The following ASB6 variants were observed in gnomAD, a reference collection of about 807,000 sequenced individuals.
ASB6 encodes the protein ankyrin repeat and SOCS box containing 6.
Under a neutral mutation model 28.6 loss-of-function variants are expected in ASB6, and 24 were observed. That is an observed-to-expected ratio of 0.84 (90% CI 0.61 to 1.18). The LOEUF is 1.18. Among genes scored for constraint, ASB6 ranks in the 50% most tolerant of loss-of-function variants. ASB6 has a pLI of 0.00. For synonymous variants in ASB6, 267 were observed against 243.4 expected (o/e 1.10, Z -0.90); for missense variants, 519 against 559.8 (o/e 0.93, Z 0.74).
At position 129,636,722 on chromosome 9, in the gene ASB6, C is replaced by T. The variant is rs1433645850; in HGVS notation, c.*1068G>A. On this transcript the variant is annotated 3_prime_UTR_variant, in exon 6 of 6. Transcript: ENST00000277458. Reference sequence around the variant, plus strand: ...AAAATAATAAAATGGGACCTCCACACTGTGGAGGCCCTTGCCAGTCTAGAG... The same window carrying T: ...AAAATAATAAAATGGGACCTCCACATTGTGGAGGCCCTTGCCAGTCTAGAG... The T allele has an allele frequency of 6.6e-6, 1 of 151,906 alleles. No homozygotes were observed. The highest frequency in any genetic ancestry group is 6.6e-5 in the Admixed American group (1 of 15,262). The allele number at this position is 151,906 out of a possible 1,614,324, so 9.4% of individuals were successfully genotyped here. A position where few individuals can be genotyped will look rare whatever the true frequency, so the allele number is the denominator to read the frequency against.
chr9:129,639,353 C>T, intron 3 of ASB6, 43 bp from the exon 4 acceptor site: 2 of 1,602,804 alleles, frequency 1.2e-6, no homozygotes, highest in Non-Finnish European at 1.7e-6. Context: ...GGAAGCTGCT[C>T]AGGCCCCTGC....
intron 1 of ASB6, among the ~76,000 whole-genome samples, chr9:129,641,560 G>A (rs1831699531): frequency 6.6e-6 from 1 of 152,246 alleles, no homozygotes; most frequent in Non-Finnish European, 1.5e-5. Context: ...GGTAACATCT[G>A]AGGCCTCACG....
chr9:129,637,591 A>G lies in ASB6; in HGVS notation c.*199T>C. 1 of 443,574 alleles carries G rather than the reference A, an allele frequency of 2.3e-6. No individual in the cohort carries two copies. The allele number at this position is 443,574 out of a possible 1,614,324, so 27.5% of individuals were successfully genotyped here. A position where few individuals can be genotyped will look rare whatever the true frequency, so the allele number is the denominator to read the frequency against. On this transcript the variant is annotated 3_prime_UTR_variant, in exon 6 of 6. Transcript: ENST00000277458. Reference sequence around the variant, plus strand: ...GGAGTGCCGCTGGAGGGAAGGGGGCAGTCTCTCTGGAAGAACCAGAGCTGC... The same window carrying G: ...GGAGTGCCGCTGGAGGGAAGGGGGCGGTCTCTCTGGAAGAACCAGAGCTGC...
rs1831499829 is a variant in ASB6, at chr9:129,635,531, T to G, written c.*2259A>C. 6.5e-7 allele frequency: 1 copy of G among 1,547,366 alleles called. No individual in the cohort carries two copies. The highest frequency in any genetic ancestry group is 1.4e-5 in the African/African-American group (1 of 73,434). ...GGGGGGAGCTGGCAGCTGGGCAAGA[T>G]CCAGGCGCCACGCTGGCGGTTCGTG... On this transcript the variant is annotated 3_prime_UTR_variant, in exon 6 of 6. Coordinates refer to ENST00000277458, the MANE Select transcript of ASB6 (RefSeq NM_017873.4).
In ASB6 at chr9:129,635,164, C is replaced by G. The variant is rs1564350832; in HGVS notation, c.*2626G>C. ...AGTACATCCCATCCAGTGCCGACAT[C>G]CGCTTGCATGGTGCCCTGGTAACCT... On this transcript the variant is annotated 3_prime_UTR_variant, in exon 6 of 6. Transcript: ENST00000277458. The G allele has an allele frequency of 3.2e-6, 5 of 1,580,168 alleles. No individual in the cohort carries two copies. Among genetic ancestry groups the G allele is most frequent in the Non-Finnish European group, 4.3e-6 (5 of 1,167,144 alleles).
rs1174936989 is a variant in ASB6, at chr9:129,637,012, C to T, written c.*778G>A. ...CAGTGCAGCTTGGAAGGGACTGAGG[C>T]TCGCAAGTGGGTGGCACAGTCGGCT... On this transcript the variant is annotated 3_prime_UTR_variant, in exon 6 of 6. Coordinates refer to ENST00000277458, the MANE Select transcript of ASB6 (RefSeq NM_017873.4). 6.6e-6 allele frequency: 1 copy of T among 152,272 alleles called. No individual in the cohort carries two copies. The highest frequency in any genetic ancestry group is 1.5e-5 in the Non-Finnish European group (1 of 68,082). The allele number at this position is 152,272 out of a possible 1,614,324, so 9.4% of individuals were successfully genotyped here.
rs747336110 is a variant in ASB6 at position 129,638,637 on chromosome 9, A to G, written c.534T>C (p.Ala178=). The G allele has an allele frequency of 6.2e-7, 1 of 1,613,496 alleles. No homozygotes were observed. Among genetic ancestry groups the G allele is most frequent in the Non-Finnish European group, 8.5e-7 (1 of 1,179,758 alleles). ...TCTGCACCCCGTCGCTGCTGGCCAG[A>G]GCATGGAGCAGAGCAGTTTTTCCTA... ...DKHGKTALLH[A]LASSDGVQIH... Residue 178 remains alanine, a synonymous_variant, in exon 5 of 6, where the codon GCT becomes GCC. Coordinates refer to ENST00000277458, the MANE Select transcript of ASB6 (RefSeq NM_017873.4).
At chr9:129,638,739 C>G in intron 4 of ASB6, 80 bp from the exon 5 acceptor site, 1 of 1,130,846 alleles carries the variant, frequency 8.8e-7, no homozygotes, top group East Asian at 2.5e-5. Flanking sequence ...TGGCAGAAAT[C>G]CAGACACTCA....
Position 129,636,605 on chromosome 9 carries a change from G to A in ASB6, c.*1185C>T, listed in dbSNP as rs575361907. 1 of 152,150 alleles carries A rather than the reference G, an allele frequency of 6.6e-6. No individual in the cohort carries two copies. Among genetic ancestry groups the A allele is most frequent in the East Asian group, 1.9e-4 (1 of 5,178 alleles). 9.4% of individuals were successfully genotyped at this position (152,150 alleles called of 1,614,324 possible). Reference sequence around the variant, plus strand: ...CCAGCTACTCAGGAGGCTGAGGCAGGAGAACTGCTTGAACCTGGGAGGCAG... The same window carrying A: ...CCAGCTACTCAGGAGGCTGAGGCAGAAGAACTGCTTGAACCTGGGAGGCAG... On this transcript the variant is annotated 3_prime_UTR_variant, in exon 6 of 6. Coordinates refer to ENST00000277458, the MANE Select transcript of ASB6 (RefSeq NM_017873.4).
intron 4 of ASB6, 75 bp from the exon 5 acceptor site, chr9:129,638,734 G>T: frequency 4.2e-6 from 5 of 1,195,184 alleles, no homozygotes; most frequent in Non-Finnish European, 6.1e-6. Context: ...GGAGGTGGCA[G>T]AAATCCAGAC....
chr9:129,637,601 G>C lies in ASB6; in HGVS notation c.*189C>G. The stretch of plus-strand genomic sequence containing the variant: ...TGGAGGGAAGGGGGCAGTCTCTCTG[G>C]AAGAACCAGAGCTGCACCCTTCACC... On this transcript the variant is annotated 3_prime_UTR_variant, in exon 6 of 6. Transcript: ENST00000277458. 2 of 474,122 alleles carry C rather than the reference G, an allele frequency of 4.2e-6. No individual in the cohort carries two copies. The highest frequency in any genetic ancestry group is 7.0e-6 in the Non-Finnish European group (2 of 286,478). 29.4% of individuals were successfully genotyped at this position (474,122 alleles called of 1,614,324 possible). A position where few individuals can be genotyped will look rare whatever the true frequency, so the allele number is the denominator to read the frequency against.
Position 129,640,658 on chromosome 9 carries a change from C to T in ASB6, c.178G>A (p.Ala60Thr), listed in dbSNP as rs1831674656. Reference sequence around the variant, plus strand: ...CCTTCCTGGTAAAAGGGAGAGTGGGCTTTCCTCTCCAGCAGCTCAGTGAGA... The same window carrying T: ...CCTTCCTGGTAAAAGGGAGAGTGGGTTTTCCTCTCCAGCAGCTCAGTGAGA... ...LVLTELLERK[A>T]HSPFYQEGVS... The change falls in exon 2 of 6, where the codon GCC (alanine) becomes ACC (threonine). Residue 60 changes from alanine (A) to threonine (T), a missense_variant. Transcript: ENST00000277458. 2 of 1,614,146 alleles carry T rather than the reference C, an allele frequency of 1.2e-6. No homozygotes were observed. Among genetic ancestry groups the T allele is most frequent in the Non-Finnish European group, 1.7e-6 (2 of 1,179,998 alleles).
chr9:129,640,784 TG>T (rs1831677656), intron 1 of ASB6, 62 bp from the exon 2 acceptor site: 1 of 1,588,530 alleles, frequency 6.3e-7, no homozygotes, highest in Non-Finnish European at 8.6e-7. Context: ...GCGCAGCCTG[TG>T]GGTTGGTGGG....
rs1831458461 is a variant in ASB6, at chr9:129,635,151, C to T, written c.*2639G>A. ...AGCGGGGCTGAGAAGTACATCCCATCCAGTGCCGACATCCGCTTGCATGGT... is the reference window on the plus strand; with the variant it reads ...AGCGGGGCTGAGAAGTACATCCCATTCAGTGCCGACATCCGCTTGCATGGT... On this transcript the variant is annotated 3_prime_UTR_variant, in exon 6 of 6. Transcript: ENST00000277458. 1 of 1,565,674 alleles carries T rather than the reference C, an allele frequency of 6.4e-7. No individual in the cohort carries two copies. Among genetic ancestry groups the T allele is most frequent in the Middle Eastern group, 1.9e-4 (1 of 5,244 alleles).
rs201973937 is a variant in ASB6, at chr9:129,640,717, C to T, written c.119G>A (p.Ser40Asn). Residue 40 changes from serine (S) to asparagine (N), a missense_variant, in exon 2 of 6, where the codon AGT becomes AAT. Physicochemically the swap from Ser to Asn is conservative, Grantham distance 46. Transcript: ENST00000277458. ...PERQESLDRP[S>N]YVASEESRIL... ...TCGGCTCTCCTCGCTGGCGACATAA[C>T]TGGGCCTGGGACAGGAGAGAGGCTG... 21 of 1,613,976 alleles carry T rather than the reference C, an allele frequency of 1.3e-5. No individual in the cohort carries two copies. The highest frequency in any genetic ancestry group is 1.7e-4 in the Middle Eastern group (1 of 6,052).
At chr9:129,640,825 A>C in intron 1 of ASB6, 103 bp from the exon 2 acceptor site, 1 of 1,408,346 alleles carries the variant, frequency 7.1e-7, no homozygotes, top group Non-Finnish European at 9.7e-7. Context: ...ATCAGCAAGC[A>C]GGGCCCTGGC....
rs1456312762 is a variant in ASB6, at chr9:129,635,975, T to G, written c.*1815A>C. 1 of 154,904 alleles carries G rather than the reference T, an allele frequency of 6.5e-6. No homozygotes were observed. Among genetic ancestry groups the G allele is most frequent in the Non-Finnish European group, 1.4e-5 (1 of 69,940 alleles). 9.6% of individuals were successfully genotyped at this position (154,904 alleles called of 1,614,324 possible). ...GGGTGCTCATGTGCCAAGTCCTGCT[T>G]GGCAGTGGAGACCTGGGGCCCTTAA... On this transcript the variant is annotated 3_prime_UTR_variant, in exon 6 of 6. Transcript: ENST00000277458.
rs147187567 is a variant in ASB6 at position 129,640,593 on chromosome 9, C to T, written c.243G>A (p.Leu81=). The change falls in exon 2 of 6, where the codon CTG becomes CTA. Residue 81 remains leucine, a synonymous_variant. Coordinates refer to ENST00000277458, the MANE Select transcript of ASB6 (RefSeq NM_017873.4). ...GCAAGAGAACGTCGGCCGCCCGCGT[C>T]AGCCCCAGCTCAGCCATCTTGAGCA... ...NALLKMAELG[L]TRAADVLLRH... is the part of the protein sequence containing the mutation. The T allele has an allele frequency of 5.6e-6, 9 of 1,613,316 alleles. No homozygotes were observed. In the African/African-American group the frequency reaches 6.7e-5, roughly 12 times the overall value.
Position 129,638,632 on chromosome 9 carries a change from G to A in ASB6, c.539C>T (p.Ala180Val). ...HGKTALLHAL[A>V]SSDGVQIHNT... ...GTGGATCTGCACCCCGTCGCTGCTG[G>A]CCAGAGCATGGAGCAGAGCAGTTTT... Residue 180 changes from alanine (A) to valine (V), a missense_variant, in exon 5 of 6, where the codon GCC becomes GTC. Ala to Val is a moderately conservative substitution (Grantham distance 64). Coordinates refer to ENST00000277458, the MANE Select transcript of ASB6 (RefSeq NM_017873.4). The A allele has an allele frequency of 1.2e-6, 2 of 1,613,632 alleles. No individual in the cohort carries two copies. The highest frequency in any genetic ancestry group is 1.7e-6 in the Non-Finnish European group (2 of 1,179,796).
Sources: gnomAD v4.1 joint callset for allele counts (sites outside exome capture counted in the v4.1 genomes callset) on GRCh38, gnomAD v4.1.1 for gene constraint, MANE v1.5 for transcripts, NCBI Gene and HGNC (gene_info 2026-07-23, HGNC 2026-07-21) for gene names.